KCNH8: variants seen among roughly 807,000 people sequenced by gnomAD.
KCNH8 encodes the protein potassium voltage-gated channel subfamily H member 8, also known as voltage-gated delayed rectifier potassium channel KCNH8.
KCNH8 carries 70 observed loss-of-function variants against 103.6 expected under a neutral mutation model. The ratio of observed to expected loss-of-function variants is 0.68; its 90% CI spans 0.56 to 0.82. KCNH8 has a LOEUF of 0.82. KCNH8 is among the 40% of genes least tolerant of loss of function. The pLI is 0.00. For synonymous variants in KCNH8, 498 were observed against 489.4 expected (o/e 1.02, Z -0.23); for missense variants, 1,217 against 1,329.9 (o/e 0.92, Z 1.32).
chr3:19,515,307 C>A lies in KCNH8; in HGVS notation c.2436-15C>A, dbSNP rs200778977. 3.0e-4 allele frequency: 445 copies of A among 1,490,694 alleles called. 4 individuals carry two copies. The East Asian group carries it at 9.6e-3, about 32-fold the overall frequency. 92.3% of individuals were successfully genotyped at this position (1,490,694 alleles called of 1,614,324 possible). A position where few individuals can be genotyped will look rare whatever the true frequency, so the allele number is the denominator to read the frequency against. On this transcript the variant is annotated splice_polypyrimidine_tract_variant and intron_variant, in intron 13 of 15. Coordinates refer to ENST00000328405, the MANE Select transcript of KCNH8 (RefSeq NM_144633.3). The stretch of plus-strand genomic sequence containing the variant: ...TATGAATCCACAGCCAGCCAATTTC[C>A]TTTATTTTAAGTAGGATTGTTGATG...
chr3:19,267,381 A>T (rs1196792543), intron 2 of KCNH8, among the ~76,000 whole-genome samples: 1 of 152,120 alleles, frequency 6.6e-6, no homozygotes, highest in African/African-American at 2.4e-5. Flanking sequence ...AATAGCTCTG[A>T]AGGCTGAAAG....
At chr3:19,497,980 A>G (rs1009884748) in intron 11 of KCNH8, among the ~76,000 whole-genome samples, 10 of 152,282 alleles carry the variant, frequency 6.6e-5, no homozygotes, top group African/African-American at 2.2e-4. Context: ...TAAACTCTTT[A>G]CCATTATGTA....
intron 11 of KCNH8, among the ~76,000 whole-genome samples, chr3:19,508,630 T>C (rs1460810563): frequency 6.6e-6 from 1 of 152,154 alleles, no homozygotes; most frequent in East Asian, 1.9e-4. Context: ...AACTGTGATG[T>C]TGGTCATGAG....
intron 3 of KCNH8, among the ~76,000 whole-genome samples, chr3:19,283,696 T>A (rs2064788134): frequency 6.6e-6 from 1 of 151,830 alleles, no homozygotes; most frequent in Non-Finnish European, 1.5e-5. Context: ...GCAGGAGAAC[T>A]GCTTGAGCCC....
At chr3:19,420,550 C>T (rs542125659) in intron 7 of KCNH8, among the ~76,000 whole-genome samples, 3 of 152,214 alleles carry the variant, frequency 2.0e-5, no homozygotes, top group South Asian at 4.1e-4. Flanking sequence ...CTTAGGTTTA[C>T]AGGTTGAAAA....
chr3:19,399,346 C>G (rs899901581), intron 7 of KCNH8, among the ~76,000 whole-genome samples: 4 of 151,852 alleles, frequency 2.6e-5, no homozygotes, highest in African/African-American at 7.2e-5. Context: ...TGCATGTTTT[C>G]TTATATCTCA....
chr3:19,450,362 G>A (rs962246332), intron 9 of KCNH8, 57 bp downstream of exon 9: 28 of 1,362,962 alleles, frequency 2.1e-5, no homozygotes, highest in East Asian at 4.6e-5. Context: ...TAAGGTAAAC[G>A]CAAGATGTTC....
At chr3:19,523,070 G>C (rs2069000595) in intron 15 of KCNH8, among the ~76,000 whole-genome samples, 1 of 151,772 alleles carries the variant, frequency 6.6e-6, no homozygotes, top group Non-Finnish European at 1.5e-5. Flanking sequence ...TAACACATTA[G>C]CACGTTGTTA....
At chr3:19,370,816 G>T (rs974744944) in intron 5 of KCNH8, among the ~76,000 whole-genome samples, 2 of 144,768 alleles carry the variant, frequency 1.4e-5, no homozygotes, top group East Asian at 2.1e-4. Flanking sequence ...GTGTCCATGT[G>T]ATCTCATTGT....
intron 5 of KCNH8, among the ~76,000 whole-genome samples, chr3:19,379,550 G>A (rs1011681565): frequency 1.3e-5 from 2 of 152,120 alleles, no homozygotes; most frequent in Middle Eastern, 3.4e-3. Flanking sequence ...TGAGGCAGGA[G>A]AACTGCTTGA....
intron 11 of KCNH8, among the ~76,000 whole-genome samples, chr3:19,499,503 T>C (rs1045348788): frequency 2.0e-5 from 3 of 151,860 alleles, no homozygotes; most frequent in African/African-American, 4.8e-5. Context: ...TTCACCAAAG[T>C]TGAAATGAAG....
At chr3:19,512,854 T>A (rs1038811534) in intron 12 of KCNH8, 116 bp from the exon 13 acceptor site, 2 of 921,134 alleles carry the variant, frequency 2.2e-6, no homozygotes, top group Non-Finnish European at 3.3e-6. Context: ...TCAGTTTTAA[T>A]GAAAAGTAAG....
chr3:19,492,528 CTGTG>C (rs1336993085), intron 11 of KCNH8, among the ~76,000 whole-genome samples: 2 of 152,072 alleles, frequency 1.3e-5, no homozygotes, highest in Non-Finnish European at 2.9e-5. Flanking sequence ...TTCCATTGGT[CTGTG>C]TGTCTGTTTT....
chr3:19,318,666 C>CGTGTGTGT lies in KCNH8; in HGVS notation c.443-23921_443-23920insGTGTGTGT, dbSNP rs1559474389. Among the ~76,000 whole-genome samples the CGTGTGTGT allele has an allele frequency of 8.5e-3, 579 of 68,328 alleles. 3 individuals are homozygous for CGTGTGTGT. Among genetic ancestry groups the CGTGTGTGT allele is most frequent in the African/African-American group, 0.032 (494 of 15,672 alleles). 44.8% of individuals were successfully genotyped at this position (68,328 alleles called of 152,430 possible). On this transcript the variant is annotated intron_variant, in intron 3 of 15. Coordinates refer to ENST00000328405, the MANE Select transcript of KCNH8 (RefSeq NM_144633.3). The stretch of plus-strand genomic sequence containing the variant: ...GTGTGTGTGTGTGTGTGTGTGTACA[C>CGTGTGTGT]ACACACACACACACACACACATATA...
intron 2 of KCNH8, among the ~76,000 whole-genome samples, chr3:19,275,835 G>C (rs1468639194): frequency 6.6e-6 from 1 of 152,034 alleles, no homozygotes; most frequent in Admixed American, 6.6e-5. Context: ...ATTAGAGTCT[G>C]GAATGTTGTG....
chr3:19,521,467 A>G lies in KCNH8; in HGVS notation c.2619+3393A>G, dbSNP rs115725342. On this transcript the variant is annotated intron_variant, in intron 15 of 15. Transcript: ENST00000328405. ...AGTATCTTCCCTTAATAAGTGGTCAATAAATGTTGATTCCATCCTCATACA... is the reference window on the plus strand; with the variant it reads ...AGTATCTTCCCTTAATAAGTGGTCAGTAAATGTTGATTCCATCCTCATACA... 2.0e-3 allele frequency among the ~76,000 whole-genome samples: 302 copies of G among 152,060 alleles called. 1 individual carries two copies. Among genetic ancestry groups the G allele is most frequent in the African/African-American group, 6.5e-3 (269 of 41,540 alleles).
In KCNH8 at chr3:19,482,278, G is replaced by C. The variant is rs557505960; in HGVS notation, c.2040+25296G>C. 3.3e-5 allele frequency among the ~76,000 whole-genome samples: 5 copies of C among 152,274 alleles called. No individual in the cohort carries two copies. In the East Asian group the frequency reaches 9.6e-4, roughly 29 times the overall value. ...CTACCAGGCCCCAGGGTGTGGCGCC[G>C]GGCTGTCTGCCTGTGGATTTCATTT... is the stretch of plus-strand genomic sequence containing the variant. On this transcript the variant is annotated intron_variant, in intron 11 of 15. Coordinates refer to ENST00000328405, the MANE Select transcript of KCNH8 (RefSeq NM_144633.3).
chr3:19,477,551 A>G (rs9809140), intron 11 of KCNH8, among the ~76,000 whole-genome samples: 114,531 of 151,906 alleles, frequency 0.75, 44,345 homozygotes, highest in African/African-American at 0.94. Context: ...GAAATGAGAG[A>G]CCTGGAAGGC....
chr3:19,238,588 A>G (rs1161281321), intron 1 of KCNH8, among the ~76,000 whole-genome samples: 2 of 152,234 alleles, frequency 1.3e-5, no homozygotes, highest in African/African-American at 4.8e-5. Flanking sequence ...CAAATTGTGG[A>G]TGAATAACAA....
Sources: allele counts gnomAD v4.1 joint callset (sites outside exome capture counted in the v4.1 genomes callset), GRCh38; gene constraint gnomAD v4.1.1; transcripts MANE v1.5; gene names NCBI Gene and HGNC (gene_info 2026-07-23, HGNC 2026-07-21).